The following GALNT13 variants were observed in gnomAD, a reference collection of about 807,000 sequenced individuals.
The protein encoded by GALNT13 is polypeptide N-acetylgalactosaminyltransferase 13, also known as UDP-GalNAc:polypeptide N-acetylgalactosaminyltransferase 13.
In GALNT13, 28 loss-of-function variants were observed where a neutral mutation model predicts 64.2. That is an observed-to-expected ratio of 0.44 (90% CI 0.32 to 0.60). GALNT13 has a LOEUF of 0.60. Ranked by LOEUF, GALNT13 falls within the 20% of genes least tolerant of loss-of-function variation. The pLI, the probability that GALNT13 is intolerant of heterozygous loss-of-function variation, is 0.05. For missense variants in GALNT13, 577 were observed against 669.8 expected, an observed-to-expected ratio of 0.86 and a Z score of 1.53; for synonymous variants, 214 against 224.6, an observed-to-expected ratio of 0.95 and a Z score of 0.42.
At chr2:153,737,194 A>G in the GALNT13 span, among the ~76,000 whole-genome samples, 3 of 152,326 alleles carry the variant, frequency 2.0e-5, no homozygotes, top group East Asian at 5.8e-4. Context: ...AAAGGGAGAA[A>G]GGGTAATAGG....
chr2:153,123,569 G>T, the GALNT13 span, among the ~76,000 whole-genome samples: 1 of 152,288 alleles, frequency 6.6e-6, no homozygotes, highest in Admixed American at 6.5e-5. Context: ...CAACTTTTGA[G>T]ACAGGAATAA....
intron 4 of GALNT13, among the ~76,000 whole-genome samples, chr2:154,179,388 T>A (rs570247619): frequency 1.1e-3 from 162 of 152,340 alleles, no homozygotes; most frequent in Middle Eastern, 0.01. Context: ...GCTGTTTTGC[T>A]GATTTCATTA....
chr2:153,563,365 C>T, the GALNT13 span, among the ~76,000 whole-genome samples: 2 of 152,124 alleles, frequency 1.3e-5, no homozygotes, highest in Non-Finnish European at 1.5e-5. Context: ...TGTTTATGCA[C>T]TATATTACGG....
rs1435639773 is a variant in GALNT13 at position 154,112,364 on chromosome 2, G to T, written c.143-27973G>T. 7.9e-5 allele frequency among the ~76,000 whole-genome samples: 12 copies of T among 152,314 alleles called. No homozygotes were observed. The East Asian group carries it at 1.9e-3, about 24-fold the overall frequency. On this transcript the variant is annotated intron_variant, in intron 3 of 12. Coordinates refer to ENST00000392825, the MANE Select transcript of GALNT13 (RefSeq NM_052917.4). ...ATAACAGGAATGGCTGGGGAAAGAG[G>T]CTGAGTGGTGTCCACAGAACGGGTC...
the GALNT13 span, among the ~76,000 whole-genome samples, chr2:153,683,892 G>A: frequency 6.6e-6 from 1 of 151,518 alleles, no homozygotes; most frequent in African/African-American, 2.4e-5. Flanking sequence ...AACCAGTGAT[G>A]GCAGAAAGAA....
At chr2:154,194,216 T>C (rs1344205128) in intron 4 of GALNT13, among the ~76,000 whole-genome samples, 1 of 152,192 alleles carries the variant, frequency 6.6e-6, no homozygotes, top group Admixed American at 6.5e-5. Flanking sequence ...AAGAAGATAT[T>C]ATAATTCTAA....
chr2:153,571,876 A>G, the GALNT13 span, among the ~76,000 whole-genome samples: 2 of 152,038 alleles, frequency 1.3e-5, no homozygotes, highest in South Asian at 4.1e-4. Context: ...TTACAGCTTC[A>G]ATATTCATCA....
chr2:153,322,125 G>C, the GALNT13 span, among the ~76,000 whole-genome samples: 1 of 151,928 alleles, frequency 6.6e-6, no homozygotes, highest in Non-Finnish European at 1.5e-5. Context: ...AAATGGCCGA[G>C]GTACTGGGCA....
the GALNT13 span, among the ~76,000 whole-genome samples, chr2:153,145,241 T>G: frequency 6.6e-6 from 1 of 151,924 alleles, no homozygotes; most frequent in African/African-American, 2.4e-5. Flanking sequence ...GATGCAATAG[T>G]TCATATATTT....
At chr2:154,028,694 G>C (rs191154649) in intron 3 of GALNT13, among the ~76,000 whole-genome samples, 50 of 152,020 alleles carry the variant, frequency 3.3e-4, no homozygotes, top group East Asian at 2.7e-3. Flanking sequence ...TTTAATCAAG[G>C]CTTTTCATTC....
At chr2:153,689,806 G>C in the GALNT13 span, among the ~76,000 whole-genome samples, 1 of 152,066 alleles carries the variant, frequency 6.6e-6, no homozygotes, top group Non-Finnish European at 1.5e-5. Context: ...GCTTAGATGT[G>C]TGTTGTGAGG....
At chr2:153,182,977 C>T in the GALNT13 span, among the ~76,000 whole-genome samples, 1 of 152,058 alleles carries the variant, frequency 6.6e-6, no homozygotes, top group Admixed American at 6.6e-5. Flanking sequence ...ATTTATATTC[C>T]TTGGGGCATA....
At chr2:154,089,911 TC>T (rs1701721727) in intron 3 of GALNT13, among the ~76,000 whole-genome samples, 1 of 151,816 alleles carries the variant, frequency 6.6e-6, no homozygotes, top group East Asian at 1.9e-4. Flanking sequence ...AGAAACCATC[TC>T]TTTGCTGCCT....
chr2:153,794,748 T>C, the GALNT13 span, among the ~76,000 whole-genome samples: 5 of 152,182 alleles, frequency 3.3e-5, no homozygotes, highest in African/African-American at 7.2e-5. Context: ...CTCGAACTCC[T>C]GACATCGTGA....
At chr2:154,375,739 T>TA (rs1697953932) in intron 9 of GALNT13, among the ~76,000 whole-genome samples, 1 of 152,190 alleles carries the variant, frequency 6.6e-6, no homozygotes, top group South Asian at 2.1e-4. Flanking sequence ...GTCTTTCTGA[T>TA]ACGCTCTTAG....
the GALNT13 span, among the ~76,000 whole-genome samples, chr2:153,133,150 G>C: frequency 1.3e-5 from 2 of 151,502 alleles, no homozygotes; most frequent in Non-Finnish European, 2.9e-5. Context: ...AGTTCCATCA[G>C]TACCAGACTC....
At chr2:153,908,227 A>T (rs531109449) in intron 2 of GALNT13, among the ~76,000 whole-genome samples, 2 of 152,114 alleles carry the variant, frequency 1.3e-5, no homozygotes, top group African/African-American at 4.8e-5. Flanking sequence ...TCCTCCGCCC[A>T]CTGTTTAATG....
intron 9 of GALNT13, among the ~76,000 whole-genome samples, chr2:154,329,696 G>T (rs1393481148): frequency 1.3e-5 from 2 of 151,972 alleles, no homozygotes; most frequent in African/African-American, 2.4e-5. Context: ...GGTCATGGGG[G>T]TGTATCCCTC....
At chr2:153,168,296 A>G in the GALNT13 span, among the ~76,000 whole-genome samples, 9 of 152,340 alleles carry the variant, frequency 5.9e-5, no homozygotes, top group Admixed American at 1.3e-4. Flanking sequence ...TTTCTACACA[A>G]TGCTTAACGT....
Sources: allele counts gnomAD v4.1 joint callset (sites outside exome capture counted in the v4.1 genomes callset), GRCh38; gene constraint gnomAD v4.1.1; transcripts MANE v1.5; gene names NCBI Gene and HGNC (gene_info 2026-07-23, HGNC 2026-07-21).